RABGAP1L: variants seen among roughly 807,000 people sequenced by gnomAD.
The protein encoded by RABGAP1L is rab GTPase-activating protein 1-like.
A neutral mutation model predicts 137.7 loss-of-function variants in RABGAP1L; 63 were observed. The ratio of observed to expected loss-of-function variants is 0.46; its 90% CI spans 0.37 to 0.56. The LOEUF (loss-of-function observed/expected upper bound fraction) is 0.56, where lower values mean the gene tolerates loss of function less well. Among genes scored for constraint, RABGAP1L ranks in the 20% least tolerant of loss-of-function variants. The pLI, the probability that RABGAP1L is intolerant of heterozygous loss-of-function variation, is 0.00. For missense variants in RABGAP1L, 1,095 were observed against 1,244.0 expected, an observed-to-expected ratio of 0.88 and a Z score of 1.80; for synonymous variants, 431 against 433.7, an observed-to-expected ratio of 0.99 and a Z score of 0.08.
chr1:174,540,055 A>G lies in RABGAP1L; in HGVS notation c.1711-97320A>G, dbSNP rs554690986. On this transcript the variant is annotated intron_variant, in intron 13 of 25. Transcript: ENST00000681986. ...TCTCTGATTGCCAGTGATGATAAGC[A>G]TTTTTTCATGTGTCTTTTGGCTGCA... 2.5e-4 allele frequency among the ~76,000 whole-genome samples: 38 copies of G among 152,268 alleles called. No individual in the cohort carries two copies. In the Middle Eastern group the frequency reaches 0.01, roughly 41 times the overall value.
intron 13 of RABGAP1L, among the ~76,000 whole-genome samples, chr1:174,610,177 G>C (rs1671095409): frequency 6.7e-6 from 1 of 150,120 alleles, no homozygotes; most frequent in Admixed American, 6.6e-5. Context: ...TTAGCATTAG[G>C]TATATCTCCT....
At chr1:174,336,210 T>C (rs1176012325) in intron 11 of RABGAP1L, among the ~76,000 whole-genome samples, 1 of 152,168 alleles carries the variant, frequency 6.6e-6, no homozygotes, top group Non-Finnish European at 1.5e-5. Context: ...ACTCCTGGGT[T>C]CAAGTGAACC....
intron 11 of RABGAP1L, among the ~76,000 whole-genome samples, chr1:174,328,346 G>GT (rs1421746003): frequency 6.6e-6 from 1 of 151,904 alleles, no homozygotes; most frequent in African/African-American, 2.4e-5. Context: ...TATATCAAGC[G>GT]TTTTTTCTGA....
intron 11 of RABGAP1L, among the ~76,000 whole-genome samples, chr1:174,318,531 C>G (rs921567005): frequency 6.6e-6 from 1 of 151,734 alleles, no homozygotes; most frequent in Non-Finnish European, 1.5e-5. Flanking sequence ...CATTTATATT[C>G]GAGATATTTA....
At chr1:174,385,063 ACAT>A (rs1204930263) in intron 12 of RABGAP1L, among the ~76,000 whole-genome samples, 2 of 152,206 alleles carry the variant, frequency 1.3e-5, no homozygotes, top group Non-Finnish European at 2.9e-5. Context: ...CATTTTAAAA[ACAT>A]CATTCTGACT....
chr1:174,299,914 G>A (rs561122432), intron 10 of RABGAP1L, among the ~76,000 whole-genome samples: 1 of 152,150 alleles, frequency 6.6e-6, no homozygotes, highest in Non-Finnish European at 1.5e-5. Flanking sequence ...TTTTGAAAAG[G>A]ATTAAAATAA....
At chr1:174,923,236 T>C (rs1259589850) in intron 19 of RABGAP1L, among the ~76,000 whole-genome samples, 1 of 152,018 alleles carries the variant, frequency 6.6e-6, no homozygotes. Flanking sequence ...ACATGGGACA[T>C]AGGAAATCTT....
intron 17 of RABGAP1L, among the ~76,000 whole-genome samples, chr1:174,721,488 T>C (rs1416108088): frequency 2.0e-5 from 3 of 152,230 alleles, no homozygotes; most frequent in Non-Finnish European, 4.4e-5. Flanking sequence ...CATGTGTTAC[T>C]GTGGGCCTTT....
chr1:174,239,854 A>G (rs1671638550), intron 4 of RABGAP1L, among the ~76,000 whole-genome samples: 1 of 152,178 alleles, frequency 6.6e-6, no homozygotes, highest in Admixed American at 6.5e-5. Context: ...ACCCTTTCTG[A>G]TTTGCCTCAT....
At position 174,560,156 on chromosome 1, in the gene RABGAP1L, C is replaced by A. The variant is rs184653914; in HGVS notation, c.1711-77219C>A. Among the ~76,000 whole-genome samples the A allele has an allele frequency of 2.8e-3, 426 of 152,020 alleles. 8 individuals are homozygous for A. The highest frequency in any genetic ancestry group is 4.9e-4 in the Non-Finnish European group (33 of 67,966). ...CTCAGAAAAAAAAAAAAAAAGTTTC[C>A]TTTTATGAAAGCTGTATTTCAGTAT... On this transcript the variant is annotated intron_variant, in intron 13 of 25. Coordinates refer to ENST00000681986, the MANE Select transcript of RABGAP1L (RefSeq NM_001366446.1).
chr1:174,822,723 G>T (rs1469620000), intron 19 of RABGAP1L, among the ~76,000 whole-genome samples: 1 of 152,194 alleles, frequency 6.6e-6, no homozygotes, highest in Non-Finnish European at 1.5e-5. Flanking sequence ...CAGAGCTCAG[G>T]CCATAATGCT....
intron 1 of RABGAP1L, among the ~76,000 whole-genome samples, chr1:174,201,958 A>G (rs973882800): frequency 1.3e-5 from 2 of 151,776 alleles, no homozygotes; most frequent in African/African-American, 4.8e-5. Flanking sequence ...AGCTTCATCC[A>G]TGTCCCTACA....
At chr1:174,773,856 A>G (rs985093401) in intron 18 of RABGAP1L, among the ~76,000 whole-genome samples, 1 of 152,230 alleles carries the variant, frequency 6.6e-6, no homozygotes, top group Admixed American at 6.5e-5. Context: ...ACTCTGACCA[A>G]TCAGAGTATG....
intron 13 of RABGAP1L, among the ~76,000 whole-genome samples, chr1:174,493,693 C>A (rs1397642651): frequency 6.6e-6 from 1 of 151,172 alleles, no homozygotes; most frequent in African/African-American, 2.4e-5. Context: ...TGGTGGTGTG[C>A]ACCTGTAGTT....
At chr1:174,369,796 A>C (rs1030314854) in intron 11 of RABGAP1L, among the ~76,000 whole-genome samples, 3 of 152,158 alleles carry the variant, frequency 2.0e-5, no homozygotes, top group African/African-American at 7.2e-5. Flanking sequence ...CTTTGCCTTC[A>C]TTTTAATTAA....
At chr1:174,557,752 A>G (rs1206531650) in intron 13 of RABGAP1L, among the ~76,000 whole-genome samples, 1 of 152,346 alleles carries the variant, frequency 6.6e-6, no homozygotes, top group Non-Finnish European at 1.5e-5. Flanking sequence ...ATAGGAATAC[A>G]GACTCATTCT....
At chr1:174,884,888 A>C (rs925200341) in intron 19 of RABGAP1L, among the ~76,000 whole-genome samples, 1 of 152,232 alleles carries the variant, frequency 6.6e-6, no homozygotes, top group East Asian at 1.9e-4. Context: ...TAGTTCTACC[A>C]TCTGAATCAC....
chr1:174,510,413 A>C (rs1662225477), intron 13 of RABGAP1L, among the ~76,000 whole-genome samples: 1 of 152,202 alleles, frequency 6.6e-6, no homozygotes, highest in Admixed American at 6.5e-5. Context: ...AAATGGATAG[A>C]AGAAGAATTG....
At chr1:174,772,949 A>G (rs1686238699) in intron 18 of RABGAP1L, among the ~76,000 whole-genome samples, 1 of 152,218 alleles carries the variant, frequency 6.6e-6, no homozygotes, top group South Asian at 2.1e-4. Context: ...TACTGTTAAT[A>G]TTGTATTACT....
Sources: allele counts gnomAD v4.1 joint callset (sites outside exome capture counted in the v4.1 genomes callset), GRCh38; gene constraint gnomAD v4.1.1; transcripts MANE v1.5; gene names NCBI Gene and HGNC (gene_info 2026-07-23, HGNC 2026-07-21).